USP10: variants seen among roughly 807,000 people sequenced by gnomAD.
USP10 encodes the protein ubiquitin specific peptidase 10.
USP10 carries 22 observed loss-of-function variants against 84.5 expected under a neutral mutation model. The observed-to-expected ratio is 0.26, with a 90% confidence interval of 0.19 to 0.37. The LOEUF (loss-of-function observed/expected upper bound fraction) is 0.37. USP10 is among the 10% of genes least tolerant of loss of function. The pLI is 1.00. For synonymous variants in USP10, 454 were observed against 387.6 expected (o/e 1.17, Z -2.01); for missense variants, 1,019 against 998.9 (o/e 1.02, Z -0.27).
In USP10 at chr16:84,700,415, C is replaced by A. The variant is rs376950513; in HGVS notation, c.21+304C>A. The stretch of plus-strand genomic sequence containing the variant: ...ACCTCCCTGGGGCTGGACCGCGGGG[C>A]GAGCCCGGGGTGTGGAGTGGGGCCC... On this transcript the variant is annotated intron_variant, in intron 1 of 13. Transcript: ENST00000219473. Among the ~76,000 whole-genome samples the A allele has an allele frequency of 6.6e-5, 10 of 152,018 alleles. 1 individual carries two copies. The highest frequency in any genetic ancestry group is 5.2e-4 in the Admixed American group (8 of 15,296).
At chr16:84,753,456 A>G (rs1377995321) in intron 4 of USP10, among the ~76,000 whole-genome samples, 4 of 152,044 alleles carry the variant, frequency 2.6e-5, no homozygotes, top group Non-Finnish European at 5.9e-5. Context: ...TGATGTCTGT[A>G]TTGAGCTGGC....
chr16:84,715,700 A>G (rs1906926501), intron 1 of USP10, among the ~76,000 whole-genome samples: 1 of 152,148 alleles, frequency 6.6e-6, no homozygotes, highest in Admixed American at 6.5e-5. Flanking sequence ...ACCATAAACT[A>G]GAGATTTAGT....
chr16:84,719,098 G>A (rs1281898461), intron 1 of USP10, among the ~76,000 whole-genome samples: 1 of 151,576 alleles, frequency 6.6e-6, no homozygotes, highest in Admixed American at 6.6e-5. Flanking sequence ...GGCCAGTTTA[G>A]TTGTTGTTGT....
Position 84,742,352 on chromosome 16 carries a change from A to G in USP10, c.151+1983A>G, listed in dbSNP as rs537657262. 2.0e-5 allele frequency among the ~76,000 whole-genome samples: 3 copies of G among 152,300 alleles called. No homozygotes were observed. In the South Asian group the frequency reaches 6.2e-4, roughly 32 times the overall value. Reference sequence around the variant, plus strand: ...CTGCATCCAGAAGAATCCTTTTTCTAAAGCTATTCACAGCTTTCTCTCCCC... The same window carrying G: ...CTGCATCCAGAAGAATCCTTTTTCTGAAGCTATTCACAGCTTTCTCTCCCC... On this transcript the variant is annotated intron_variant, in intron 3 of 13. Transcript: ENST00000219473.
At chr16:84,722,847 C>T (rs1037272347) in intron 1 of USP10, among the ~76,000 whole-genome samples, 1 of 152,160 alleles carries the variant, frequency 6.6e-6, no homozygotes, top group South Asian at 2.1e-4. Flanking sequence ...TGAGCCACTG[C>T]GTCCGGCTCA....
intron 10 of USP10, 80 bp from the exon 11 acceptor site, chr16:84,768,113 G>A: frequency 7.1e-7 from 1 of 1,416,252 alleles, no homozygotes; most frequent in South Asian, 1.4e-5. Flanking sequence ...TATTTTCAGT[G>A]TTTATTCCCT....
chr16:84,758,628 G>A, intron 4 of USP10, 88 bp from the exon 5 acceptor site: 2 of 928,802 alleles, frequency 2.2e-6, no homozygotes, highest in Non-Finnish European at 3.5e-6. Context: ...GATTTTAAAT[G>A]CTGTCCCAGA....
chr16:84,732,227 G>C (rs1567609668), intron 1 of USP10, among the ~76,000 whole-genome samples: 1 of 152,022 alleles, frequency 6.6e-6, no homozygotes, highest in Non-Finnish European at 1.5e-5. Flanking sequence ...TTAGTTACTG[G>C]TTATTTTTGA....
Position 84,738,026 on chromosome 16 carries a change from C to T in USP10, c.91-2283C>T, listed in dbSNP as rs191442075. ...TGGCTGGGAGTTGAGTGAGTGTTCACACCCCGTGGTTGAATGTTGAGGAAG... is the reference window on the plus strand; with the variant it reads ...TGGCTGGGAGTTGAGTGAGTGTTCATACCCCGTGGTTGAATGTTGAGGAAG... On this transcript the variant is annotated intron_variant, in intron 2 of 13. Transcript: ENST00000219473. Among the ~76,000 whole-genome samples, 193 of 152,336 alleles carry T rather than the reference C, an allele frequency of 1.3e-3. 4 individuals carry two copies. The highest frequency in any genetic ancestry group is 0.012 in the Admixed American group (182 of 15,302).
chr16:84,732,204 A>T (rs1474580927), intron 1 of USP10, among the ~76,000 whole-genome samples: 1 of 152,130 alleles, frequency 6.6e-6, no homozygotes, highest in Non-Finnish European at 1.5e-5. Flanking sequence ...AGTATTATTC[A>T]TTTATGTAAT....
intron 1 of USP10, among the ~76,000 whole-genome samples, chr16:84,712,974 TG>T (rs1306367778): frequency 6.6e-6 from 1 of 152,192 alleles, no homozygotes; most frequent in Non-Finnish European, 1.5e-5. Context: ...GGATTGTTAG[TG>T]GGCATGCCAG....
intron 8 of USP10, 81 bp downstream of exon 8, chr16:84,760,356 A>G (rs1567639777): frequency 2.4e-6 from 3 of 1,265,776 alleles, no homozygotes; most frequent in Admixed American, 2.1e-5. Flanking sequence ...GCTTATTGAT[A>G]TTTGCCCTCT....
chr16:84,764,939 A>AATATATATATATATAT (rs1555548056), intron 10 of USP10, among the ~76,000 whole-genome samples: 2 of 132,258 alleles, frequency 1.5e-5, no homozygotes, highest in East Asian at 4.9e-4. Context: ...GAGAAAAAAA[A>AATATATATATATATAT]ATATATATAT....
chr16:84,714,811 A>G (rs1906787726), intron 1 of USP10, among the ~76,000 whole-genome samples: 1 of 151,938 alleles, frequency 6.6e-6, no homozygotes, highest in Admixed American at 6.6e-5. Context: ...TATTAAGAAG[A>G]TACTTAGTGG....
At chr16:84,778,748 G>C (rs890176576) in intron 13 of USP10, 147 bp from the exon 14 acceptor site, 13 of 759,576 alleles carry the variant, frequency 1.7e-5, no homozygotes, top group African/African-American at 1.2e-4. Context: ...AATAGCATTG[G>C]TTTGTGTGAT....
chr16:84,745,132 C>T lies in USP10; in HGVS notation c.651C>T (p.Asp217=), dbSNP rs779560918. The change falls in exon 4 of 14, where the codon GAC becomes GAT. Residue 217 remains aspartate, a synonymous_variant. Coordinates refer to ENST00000219473, the MANE Select transcript of USP10 (RefSeq NM_005153.3). The stretch of plus-strand genomic sequence containing the variant: ...GTAACAGCCCCCAGAACTCCACAGA[C>T]TCTGTCAGTGACATTGTGCCTGACA... ...RTCNSPQNST[D]SVSDIVPDSP... 2 of 1,613,474 alleles carry T rather than the reference C, an allele frequency of 1.2e-6. No individual in the cohort carries two copies. Among genetic ancestry groups the T allele is most frequent in the Non-Finnish European group, 8.5e-7 (1 of 1,179,710 alleles).
intron 1 of USP10, among the ~76,000 whole-genome samples, chr16:84,707,542 C>T (rs1347803081): frequency 2.0e-5 from 3 of 152,124 alleles, no homozygotes; most frequent in East Asian, 1.9e-4. Context: ...GTTGTTGTTC[C>T]GTTGTTTCAT....
intron 5 of USP10, among the ~76,000 whole-genome samples, chr16:84,759,122 T>C (rs1912907675): frequency 1.3e-5 from 2 of 152,214 alleles, no homozygotes; most frequent in African/African-American, 4.8e-5. Context: ...GATTGAACTG[T>C]CTTGGTTAGG....
At chr16:84,739,621 A>T (rs1441912730) in intron 2 of USP10, among the ~76,000 whole-genome samples, 1 of 151,922 alleles carries the variant, frequency 6.6e-6, no homozygotes, top group Non-Finnish European at 1.5e-5. Flanking sequence ...AGCATTTCCA[A>T]CTCTTAAATA....
Sources: gnomAD v4.1 joint callset for allele counts (sites outside exome capture counted in the v4.1 genomes callset) on GRCh38, gnomAD v4.1.1 for gene constraint, MANE v1.5 for transcripts, NCBI Gene and HGNC (gene_info 2026-07-23, HGNC 2026-07-21) for gene names.